CGNL1: variants seen among roughly 807,000 people sequenced by gnomAD.
CGNL1 encodes cingulin-like protein 1.
In CGNL1, 132 loss-of-function variants were observed where a neutral mutation model predicts 141.2. The ratio of observed to expected loss-of-function variants is 0.93; its 90% confidence interval spans 0.81 to 1.08. CGNL1 has a LOEUF of 1.08. Among genes scored for constraint, CGNL1 ranks in the 50% least tolerant of loss-of-function variants. The pLI is 0.00. For missense variants in CGNL1, 1,870 were observed against 1,588.6 expected (o/e 1.18, Z -3.01); for synonymous variants, 690 against 622.1 (o/e 1.11, Z -1.63).
intron 1 of CGNL1, among the ~76,000 whole-genome samples, chr15:57,400,766 C>A (rs71478624): frequency 1.3e-5 from 2 of 151,252 alleles, no homozygotes; most frequent in Non-Finnish European, 2.9e-5. Context: ...GCCTGTAATC[C>A]CAGTTACTTG....
At chr15:57,517,185 G>A (rs75820829) in intron 9 of CGNL1, among the ~76,000 whole-genome samples, 199 bp downstream of exon 9, 217 of 152,254 alleles carry the variant, frequency 1.4e-3, no homozygotes, top group African/African-American at 4.8e-3. Context: ...GAACAGGGAC[G>A]GTGAGGTCAG....
Position 57,518,463 on chromosome 15 carries a change from G to A in CGNL1, c.2681G>A (p.Arg894Lys), listed in dbSNP as rs1295590014. ...GAAGAAAAAGAAGCTGTGTCAGCCAGAAGGGCCCTGGAGAATGAACTGGAG... is the reference window on the plus strand; with the variant it reads ...GAAGAAAAAGAAGCTGTGTCAGCCAAAAGGGCCCTGGAGAATGAACTGGAG... The part of the protein sequence containing the change: ...RKEEKEAVSA[R>K]RALENELEAA... The change falls in exon 10 of 19, where the codon AGA (arginine) becomes AAA (lysine). Residue 894 changes from arginine (R) to lysine (K), a missense_variant. Arg to Lys is a conservative substitution (Grantham distance 26). Coordinates refer to ENST00000281282, the MANE Select transcript of CGNL1 (RefSeq NM_032866.5). 2.0e-5 allele frequency: 33 copies of A among 1,612,026 alleles called. No homozygotes were observed. Among genetic ancestry groups the A allele is most frequent in the Non-Finnish European group, 2.6e-5 (31 of 1,179,110 alleles).
chr15:57,415,062 CA>C (rs1460007025), intron 1 of CGNL1, among the ~76,000 whole-genome samples: 2 of 152,166 alleles, frequency 1.3e-5, no homozygotes, highest in African/African-American at 4.8e-5. Context: ...CAGGAGGCAG[CA>C]GCCTTGGGAA....
At chr15:57,527,625 T>G (rs1421266591) in intron 12 of CGNL1, 1 of 152,258 alleles carries the variant, frequency 6.6e-6, no homozygotes, top group Non-Finnish European at 1.5e-5. Context: ...AGACACTGAC[T>G]GGCCCTTGTG....
chr15:57,406,915 A>G (rs1185537627), intron 1 of CGNL1: 3 of 152,272 alleles, frequency 2.0e-5, no homozygotes, highest in African/African-American at 7.2e-5. Context: ...CCGTACAATC[A>G]GTTTAAGTAA....
intron 16 of CGNL1, 152 bp downstream of exon 16, chr15:57,544,749 A>G: frequency 1.0e-6 from 1 of 983,324 alleles, no homozygotes; most frequent in Non-Finnish European, 1.5e-6. Flanking sequence ...TTTCCATTTT[A>G]TAGGTGGGAA....
intron 1 of CGNL1, among the ~76,000 whole-genome samples, chr15:57,415,926 C>T (rs1211299897): frequency 1.3e-5 from 2 of 152,180 alleles, no homozygotes; most frequent in East Asian, 3.9e-4. Flanking sequence ...TTAGAGATGG[C>T]GGCTGCTTCC....
At chr15:57,464,482 G>C (rs1402926605) in intron 8 of CGNL1, among the ~76,000 whole-genome samples, 2 of 152,186 alleles carry the variant, frequency 1.3e-5, no homozygotes, top group African/African-American at 4.8e-5. Flanking sequence ...CTGGGACATA[G>C]TCACATCCGT....
intron 14 of CGNL1, among the ~76,000 whole-genome samples, chr15:57,543,376 C>T (rs536409882): frequency 6.6e-5 from 10 of 152,292 alleles, no homozygotes; most frequent in East Asian, 5.8e-4. Flanking sequence ...CTAAAGTCCC[C>T]ATCTCCAAAT....
At chr15:57,542,647 G>A (rs1456589837) in intron 14 of CGNL1, among the ~76,000 whole-genome samples, 2 of 152,204 alleles carry the variant, frequency 1.3e-5, no homozygotes, top group South Asian at 2.1e-4. Flanking sequence ...AAATCTAGCA[G>A]TGTCTGAGAT....
intron 1 of CGNL1, among the ~76,000 whole-genome samples, chr15:57,399,623 A>T (rs1034460178): frequency 3.9e-5 from 6 of 151,964 alleles, no homozygotes; most frequent in Non-Finnish European, 8.8e-5. Flanking sequence ...AGAAATGGAC[A>T]GTGCTACATT....
chr15:57,431,775 A>G (rs2063048262), intron 1 of CGNL1, among the ~76,000 whole-genome samples: 2 of 151,816 alleles, frequency 1.3e-5, no homozygotes, highest in African/African-American at 4.8e-5. Flanking sequence ...GTGTTAGTGC[A>G]TTTTATGTGT....
chr15:57,534,876 G>A (rs566203044), intron 14 of CGNL1, among the ~76,000 whole-genome samples: 1 of 152,302 alleles, frequency 6.6e-6, no homozygotes, highest in East Asian at 1.9e-4. Flanking sequence ...AAATTAAAAG[G>A]TTCAAACTTA....
chr15:57,424,320 A>AATGGACC (rs1441861647), intron 1 of CGNL1, among the ~76,000 whole-genome samples: 3 of 152,216 alleles, frequency 2.0e-5, no homozygotes, highest in African/African-American at 7.2e-5. Flanking sequence ...GTCTATCTAG[A>AATGGACC]ATGGACCTTC....
chr15:57,441,858 A>C (rs991195334), intron 3 of CGNL1, among the ~76,000 whole-genome samples: 45 of 152,132 alleles, frequency 3.0e-4, no homozygotes, highest in African/African-American at 1.0e-3. Flanking sequence ...AGCCCAGACA[A>C]AGGGCTGCCA....
intron 17 of CGNL1, 40 bp downstream of exon 17, chr15:57,545,740 G>C (rs772975903): frequency 6.5e-7 from 1 of 1,528,842 alleles, no homozygotes; most frequent in Non-Finnish European, 9.0e-7. Context: ...AGATGAGATT[G>C]CGTGTCTCAG....
chr15:57,414,412 C>T (rs2062826136), intron 1 of CGNL1, among the ~76,000 whole-genome samples: 1 of 152,132 alleles, frequency 6.6e-6, no homozygotes, highest in African/African-American at 2.4e-5. Flanking sequence ...TATGTATACA[C>T]AGAAAATCAA....
At chr15:57,528,573 G>A in intron 12 of CGNL1, 81 bp from the exon 13 acceptor site, 1 of 1,425,920 alleles carries the variant, frequency 7.0e-7, no homozygotes, top group Admixed American at 1.9e-5. Context: ...CTTTTGGTGG[G>A]GTCAGCCTGT....
rs139359733 is a variant in CGNL1, at chr15:57,436,149, C to T, written c.-15-1836C>T. Among the ~76,000 whole-genome samples the T allele has an allele frequency of 5.7e-3, 873 of 152,324 alleles. 9 individuals carry two copies. The highest frequency in any genetic ancestry group is 0.014 in the Admixed American group (219 of 15,302). ...ACATTACTGTGGTGGAAACTGTTTA[C>T]TGCCTTTCTAAAGTCCATTCTCCTC... On this transcript the variant is annotated intron_variant, in intron 1 of 18. Transcript: ENST00000281282.
Sources: allele counts gnomAD v4.1 joint callset (sites outside exome capture counted in the v4.1 genomes callset), GRCh38; gene constraint gnomAD v4.1.1; transcripts MANE v1.5; gene names NCBI Gene and HGNC (gene_info 2026-07-23, HGNC 2026-07-21).